The following LANCL3 variants were observed in gnomAD, a reference collection of about 807,000 sequenced individuals.
LANCL3 encodes the protein lanC-like protein 3.
In LANCL3, 19 loss-of-function variants were observed where a neutral mutation model predicts 26.5. The ratio of observed to expected loss-of-function variants is 0.72; its 90% CI spans 0.50 to 1.05. LANCL3 has a LOEUF of 1.05. LANCL3 is among the 50% of genes least tolerant of loss of function. LANCL3 has a pLI of 0.00. For synonymous variants in LANCL3, 160 were observed against 166.6 expected (o/e 0.96, Z 0.30); for missense variants, 318 against 362.7 (o/e 0.88, Z 1.00).
chrX:37,624,365 A>G (rs1556422738), intron 1 of LANCL3, among the ~76,000 whole-genome samples: 1 of 111,663 alleles, frequency 9.0e-6, no homozygotes, highest in African/African-American at 3.3e-5. Flanking sequence ...TTGTATGCAA[A>G]TTTCTTGTTC....
intron 1 of LANCL3, among the ~76,000 whole-genome samples, chrX:37,645,675 G>T (rs1017567433): frequency 9.0e-6 from 1 of 111,700 alleles, no homozygotes; most frequent in Non-Finnish European, 1.9e-5. Flanking sequence ...TTGTTCCTTC[G>T]GTCTAACTTC....
rs1556438225 is a variant in LANCL3, at chrX:37,679,249, T to C, written c.*3436T>C. ...TACATAGAAAAATCATGCCCAGTTA[T>C]GACTTCCAATAAGAATTTCAACCAA... On this transcript the variant is annotated 3_prime_UTR_variant, in exon 5 of 5. Transcript: ENST00000378619. The C allele has an allele frequency of 8.9e-6, 1 of 112,079 alleles. No homozygotes were observed. The highest frequency in any genetic ancestry group is 1.9e-5 in the Non-Finnish European group (1 of 53,204). The allele number at this position is 112,079 out of a possible 1,213,427, so 9.2% of individuals were successfully genotyped here. A position where few individuals can be genotyped will look rare whatever the true frequency, so the allele number is the denominator to read the frequency against.
intron 1 of LANCL3, among the ~76,000 whole-genome samples, chrX:37,582,305 G>A (rs1349172650): frequency 9.0e-6 from 1 of 111,731 alleles, no homozygotes; most frequent in Non-Finnish European, 1.9e-5. Context: ...CCCGGTAATG[G>A]GATGGCTGGA....
intron 2 of LANCL3, among the ~76,000 whole-genome samples, chrX:37,658,517 T>C (rs1031190065): frequency 1.8e-5 from 2 of 112,110 alleles, no homozygotes; most frequent in South Asian, 3.7e-4. Flanking sequence ...GAGAGAGCAA[T>C]GTGCTTAGCT....
At chrX:37,668,378 G>T in intron 4 of LANCL3, 1 of 398,626 alleles carries the variant, frequency 2.5e-6, no homozygotes, top group Admixed American at 3.6e-5. Flanking sequence ...TTCATTCCCT[G>T]TAAACTTGAT....
chrX:37,624,745 C>T (rs1340473842), intron 1 of LANCL3, among the ~76,000 whole-genome samples: 16 of 111,452 alleles, frequency 1.4e-4, no homozygotes. Flanking sequence ...TTATCTGCCT[C>T]CTCTAAGAAG....
chrX:37,604,089 AG>A (rs1924643060), intron 1 of LANCL3, among the ~76,000 whole-genome samples: 1 of 112,540 alleles, frequency 8.9e-6, no homozygotes, highest in African/African-American at 3.2e-5. Flanking sequence ...AGCCTCCCTG[AG>A]CCATGTGAGA....
Position 37,684,354 on chromosome X carries a change from G to A in LANCL3, c.*8541G>A, listed in dbSNP as rs1301717204. The A allele has an allele frequency of 1.8e-5, 2 of 112,749 alleles. No homozygotes were observed. Among genetic ancestry groups the A allele is most frequent in the East Asian group, 2.7e-4 (1 of 3,651 alleles). 9.3% of individuals were successfully genotyped at this position (112,749 alleles called of 1,213,427 possible). Reference sequence around the variant, plus strand: ...AACTGGACTTTATAGTGTTTAAAGCGATGTTATTTATTGGCTTATTGCCCC... The same window carrying A: ...AACTGGACTTTATAGTGTTTAAAGCAATGTTATTTATTGGCTTATTGCCCC... On this transcript the variant is annotated 3_prime_UTR_variant, in exon 5 of 5. Transcript: ENST00000378619.
At chrX:37,635,802 C>G (rs1404163447) in intron 1 of LANCL3, among the ~76,000 whole-genome samples, 4 of 110,059 alleles carry the variant, frequency 3.6e-5, no homozygotes, top group Admixed American at 1.9e-4. Context: ...ATAGTTATTA[C>G]TTAATTTTTT....
intron 1 of LANCL3, among the ~76,000 whole-genome samples, chrX:37,590,618 A>G (rs1428888355): frequency 8.9e-6 from 1 of 112,186 alleles, no homozygotes; most frequent in African/African-American, 3.2e-5. Context: ...CTCTAATAAT[A>G]AAGCTATAAT....
intron 1 of LANCL3, among the ~76,000 whole-genome samples, chrX:37,597,661 A>C (rs1282740645): frequency 4.3e-5 from 4 of 93,794 alleles, no homozygotes; most frequent in African/African-American, 1.2e-4. Flanking sequence ...CTACAGGCAC[A>C]CGCCACCTTT....
At chrX:37,654,126 T>C (rs1459909559) in intron 1 of LANCL3, among the ~76,000 whole-genome samples, 3 of 112,261 alleles carry the variant, frequency 2.7e-5, no homozygotes, top group South Asian at 3.7e-4. Flanking sequence ...CAACACCTAG[T>C]GTGGGACCTT....
chrX:37,622,256 C>A (rs1216482471), intron 1 of LANCL3, among the ~76,000 whole-genome samples: 2 of 111,257 alleles, frequency 1.8e-5, no homozygotes, highest in Non-Finnish European at 3.8e-5. Flanking sequence ...TTTTACAACC[C>A]ACCGCCTATA....
intron 4 of LANCL3, among the ~76,000 whole-genome samples, chrX:37,671,611 G>GT (rs1926686014): frequency 9.1e-6 from 1 of 110,167 alleles, no homozygotes; most frequent in Non-Finnish European, 1.9e-5. Flanking sequence ...AATTCCATTA[G>GT]GATGCCAGGT....
intron 4 of LANCL3, among the ~76,000 whole-genome samples, chrX:37,669,035 A>G (rs1367157267): frequency 8.9e-6 from 1 of 111,917 alleles, no homozygotes; most frequent in Non-Finnish European, 1.9e-5. Flanking sequence ...TGCAATGTAA[A>G]TGTTCATTGT....
At chrX:37,674,237 C>T (rs1383622767) in intron 4 of LANCL3, among the ~76,000 whole-genome samples, 1 of 111,618 alleles carries the variant, frequency 9.0e-6, no homozygotes, top group African/African-American at 3.3e-5. Context: ...GGTAGTAAGT[C>T]ACAGAAGTAT....
rs1241917084 is a variant in LANCL3 at position 37,675,862 on chromosome X, C to T, written c.*49C>T. 1.0e-5 allele frequency: 10 copies of T among 963,833 alleles called. No individual in the cohort carries two copies. The highest frequency in any genetic ancestry group is 9.4e-6 in the Non-Finnish European group (7 of 744,777). 79.4% of individuals were successfully genotyped at this position (963,833 alleles called of 1,213,427 possible). A position where few individuals can be genotyped will look rare whatever the true frequency, so the allele number is the denominator to read the frequency against. ...CCTGCAGAGATCCCCTGAGCCAAGC[C>T]GAGGCAGTTTCCACATAAGCCACAT... On this transcript the variant is annotated 3_prime_UTR_variant, in exon 5 of 5. Coordinates refer to ENST00000378619, the MANE Select transcript of LANCL3 (RefSeq NM_001170331.2).
At chrX:37,627,474 C>G (rs782221956) in intron 1 of LANCL3, among the ~76,000 whole-genome samples, 1 of 111,429 alleles carries the variant, frequency 9.0e-6, no homozygotes, top group Admixed American at 9.5e-5. Context: ...AGCTTTGAAA[C>G]TCAAAGGATG....
At chrX:37,658,936 A>G (rs1318653725) in intron 2 of LANCL3, among the ~76,000 whole-genome samples, 1 of 112,872 alleles carries the variant, frequency 8.9e-6, no homozygotes, top group Non-Finnish European at 1.9e-5. Flanking sequence ...TATCTTGTAC[A>G]GAGTAGATGC....
Sources: allele counts gnomAD v4.1 joint callset (sites outside exome capture counted in the v4.1 genomes callset), GRCh38; gene constraint gnomAD v4.1.1; transcripts MANE v1.5; gene names NCBI Gene and HGNC (gene_info 2026-07-23, HGNC 2026-07-21).